Variants in UNC5C observed in about 807,000 individuals in gnomAD.
UNC5C encodes the protein unc-5 netrin receptor C.
A neutral mutation model predicts 99.8 loss-of-function variants in UNC5C; 47 were observed. The ratio of observed to expected loss-of-function variants is 0.47; its 90% CI spans 0.37 to 0.60. The LOEUF (loss-of-function observed/expected upper bound fraction) is 0.60. Among genes scored for constraint, UNC5C ranks in the 20% least tolerant of loss-of-function variants. UNC5C has a pLI of 0.00. For synonymous variants in UNC5C, 487 were observed against 452.2 expected, an observed-to-expected ratio of 1.08 and a Z score of -0.98; for missense variants, 1,062 against 1,165.9, an observed-to-expected ratio of 0.91 and a Z score of 1.30.
At chr4:95,170,819 C>T (rs1736067911) in intron 14 of UNC5C, among the ~76,000 whole-genome samples, 1 of 152,214 alleles carries the variant, frequency 6.6e-6, no homozygotes, top group Non-Finnish European at 1.5e-5. Context: ...CTGCTAAACT[C>T]CACAGAAGAT....
At chr4:95,461,967 G>T (rs1747614913) in intron 1 of UNC5C, among the ~76,000 whole-genome samples, 2 of 151,942 alleles carry the variant, frequency 1.3e-5, no homozygotes, top group Admixed American at 1.3e-4. Flanking sequence ...TTGGCAGTTG[G>T]AACTATTTAT....
At chr4:95,362,992 G>A (rs1744442384) in intron 1 of UNC5C, among the ~76,000 whole-genome samples, 1 of 151,932 alleles carries the variant, frequency 6.6e-6, no homozygotes, top group African/African-American at 2.4e-5. Context: ...AGGGGGCGCC[G>A]TTCATATTGT....
chr4:95,442,061 C>T (rs4082392), intron 1 of UNC5C, among the ~76,000 whole-genome samples: 3,362 of 152,222 alleles, frequency 0.022, 139 homozygotes, highest in African/African-American at 0.076. Flanking sequence ...AGACATGTGA[C>T]GCTGTGAACC....
At chr4:95,388,920 G>C (rs1024157973) in intron 1 of UNC5C, among the ~76,000 whole-genome samples, 2 of 152,048 alleles carry the variant, frequency 1.3e-5, no homozygotes, top group Non-Finnish European at 2.9e-5. Context: ...CAACTAGTAA[G>C]CCTATATATT....
intron 2 of UNC5C, among the ~76,000 whole-genome samples, chr4:95,322,846 G>A (rs1742741005): frequency 6.6e-6 from 1 of 151,286 alleles, no homozygotes; most frequent in African/African-American, 2.4e-5. Flanking sequence ...GCTGGGGCAG[G>A]AGAATCTCTT....
At chr4:95,505,857 G>A (rs1183941914) in intron 1 of UNC5C, among the ~76,000 whole-genome samples, 4 of 151,990 alleles carry the variant, frequency 2.6e-5, no homozygotes, top group Non-Finnish European at 5.9e-5. Flanking sequence ...GTAGGAGTAA[G>A]GTCACAACTC....
intron 3 of UNC5C, among the ~76,000 whole-genome samples, chr4:95,285,778 G>T (rs2149397318): frequency 6.9e-6 from 1 of 144,750 alleles, no homozygotes; most frequent in Middle Eastern, 3.5e-3. Flanking sequence ...AGATGTGTTT[G>T]TGTATATACA....
chr4:95,322,890 A>G (rs1742743579), intron 2 of UNC5C, among the ~76,000 whole-genome samples: 1 of 151,366 alleles, frequency 6.6e-6, no homozygotes, highest in Admixed American at 6.6e-5. Flanking sequence ...GTGAGCCGAG[A>G]TCATGCCACT....
At chr4:95,545,769 C>CGT (rs1723043083) in intron 1 of UNC5C, among the ~76,000 whole-genome samples, 2 of 139,054 alleles carry the variant, frequency 1.4e-5, no homozygotes, top group South Asian at 2.1e-4. Context: ...CACGCGCGCG[C>CGT]GCGCACACAC....
chr4:95,379,813 G>C (rs1364552790), intron 1 of UNC5C, among the ~76,000 whole-genome samples: 2 of 152,120 alleles, frequency 1.3e-5, no homozygotes, highest in Non-Finnish European at 2.9e-5. Flanking sequence ...AGTCCGAGAG[G>C]GCAGAGGCGC....
chr4:95,491,803 A>C (rs545601789), intron 1 of UNC5C, among the ~76,000 whole-genome samples: 1 of 151,724 alleles, frequency 6.6e-6, no homozygotes, highest in Admixed American at 6.6e-5. Context: ...GGCATTCTTG[A>C]GTCATTTACT....
In UNC5C at chr4:95,548,681, A is replaced by G. The variant is rs1723143428; in HGVS notation, c.124+53T>C. On this transcript the variant is annotated intron_variant, in intron 1 of 15. Coordinates refer to ENST00000453304, the MANE Select transcript of UNC5C (RefSeq NM_003728.4). ...AGAACTGGGGAGGAGGAGAGGAAGG[A>G]GGGAAGGAAGAAGCTAAGGGAGGTG... 6 of 1,587,012 alleles carry G rather than the reference A, an allele frequency of 3.8e-6. No homozygotes were observed. The Admixed American group carries it at 8.8e-5, about 23-fold the overall frequency.
intron 12 of UNC5C, among the ~76,000 whole-genome samples, chr4:95,199,631 ATAT>A (rs1737572879): frequency 6.6e-6 from 1 of 152,210 alleles, no homozygotes; most frequent in South Asian, 2.1e-4. Flanking sequence ...TTTTTATAAA[ATAT>A]TCTATTTTTG....
chr4:95,193,956 CCT>C (rs33942712), intron 12 of UNC5C, among the ~76,000 whole-genome samples: 3,888 of 152,252 alleles, frequency 0.026, 163 homozygotes, highest in African/African-American at 0.088. Flanking sequence ...CTGCTCTCCC[CCT>C]GAGTTTGTCT....
intron 4 of UNC5C, among the ~76,000 whole-genome samples, chr4:95,262,863 G>A (rs1280842758): frequency 1.3e-5 from 2 of 151,650 alleles, no homozygotes; most frequent in African/African-American, 2.4e-5. Context: ...CGCCCAGGCT[G>A]GAGTGCAATG....
chr4:95,183,992 T>G (rs367616004), intron 13 of UNC5C, among the ~76,000 whole-genome samples: 106 of 152,324 alleles, frequency 7.0e-4, no homozygotes, highest in African/African-American at 2.5e-3. Context: ...CATATTATCA[T>G]TATCATTAAA....
intron 3 of UNC5C, among the ~76,000 whole-genome samples, chr4:95,287,773 T>C (rs1741288613): frequency 6.6e-6 from 1 of 152,224 alleles, no homozygotes; most frequent in South Asian, 2.1e-4. Flanking sequence ...TGCACAGTTA[T>C]GGCCATGTTT....
chr4:95,539,463 T>C (rs993956010), intron 1 of UNC5C, among the ~76,000 whole-genome samples: 1 of 152,246 alleles, frequency 6.6e-6, no homozygotes, highest in African/African-American at 2.4e-5. Context: ...AAAAGTAAGA[T>C]ATAATTCTTC....
At chr4:95,433,857 C>T (rs1433820123) in intron 1 of UNC5C, among the ~76,000 whole-genome samples, 1 of 136,882 alleles carries the variant, frequency 7.3e-6, no homozygotes, top group Non-Finnish European at 1.6e-5. Flanking sequence ...ACCCAGCTCA[C>T]TCATCTTCAG....
Sources: allele counts gnomAD v4.1 joint callset (sites outside exome capture counted in the v4.1 genomes callset), GRCh38; gene constraint gnomAD v4.1.1; transcripts MANE v1.5; gene names NCBI Gene and HGNC (gene_info 2026-07-23, HGNC 2026-07-21).